The following DRC8 variants were observed in gnomAD, a reference collection of about 807,000 sequenced individuals.
The protein encoded by DRC8 is dynein regulatory complex protein 8.
chr1:245,094,100 C>T, the DRC8 span, among the ~76,000 whole-genome samples: 4 of 152,170 alleles, frequency 2.6e-5, no homozygotes, highest in Admixed American at 2.0e-4. Context: ...AAGGTATGAT[C>T]CGCACTTAGG....
At chr1:245,028,296 AACTAT>A in the DRC8 span, among the ~76,000 whole-genome samples, 1 of 152,224 alleles carries the variant, frequency 6.6e-6, no homozygotes, top group Admixed American at 6.5e-5. Flanking sequence ...TCCAATGTGT[AACTAT>A]ACTAGAATTT....
chr1:244,970,411 G>A, the DRC8 span: 13 of 1,538,828 alleles, frequency 8.4e-6, no homozygotes, highest in Non-Finnish European at 1.1e-5. Flanking sequence ...GACCGGCTCC[G>A]CAGCAAGATG....
At chr1:245,110,180 C>T in the DRC8 span, among the ~76,000 whole-genome samples, 10 of 151,954 alleles carry the variant, frequency 6.6e-5, no homozygotes, top group Non-Finnish European at 7.4e-5. Flanking sequence ...GTCAGGAGTT[C>T]GAGACCAGCC....
At chr1:245,102,984 G>C in the DRC8 span, among the ~76,000 whole-genome samples, 57 of 11,628 alleles carry the variant, frequency 4.9e-3, no homozygotes, top group East Asian at 9.3e-3. Flanking sequence ...GTGAGGCTGA[G>C]GAGGATGAGA....
the DRC8 span, among the ~76,000 whole-genome samples, chr1:245,013,711 A>G: frequency 6.6e-6 from 1 of 152,190 alleles, no homozygotes; most frequent in Admixed American, 6.5e-5. Context: ...TGAGTGAGAA[A>G]TTAGATTAGA....
the DRC8 span, among the ~76,000 whole-genome samples, chr1:245,005,993 C>T: frequency 6.6e-6 from 1 of 152,210 alleles, no homozygotes; most frequent in East Asian, 1.9e-4. Context: ...ATCACTGGGA[C>T]ACTACAGAGA....
the DRC8 span, chr1:244,970,520 G>A: frequency 6.7e-7 from 1 of 1,496,302 alleles, no homozygotes; most frequent in Middle Eastern, 2.4e-4. Context: ...GCGCCGGGTG[G>A]GGTGGGCCCT....
the DRC8 span, among the ~76,000 whole-genome samples, chr1:244,992,060 T>C: frequency 1.3e-5 from 2 of 152,238 alleles, no homozygotes; most frequent in East Asian, 3.8e-4. Flanking sequence ...GCAAACGCAG[T>C]TGACAGACAT....
the DRC8 span, among the ~76,000 whole-genome samples, chr1:245,095,984 C>A: frequency 2.0e-5 from 3 of 152,266 alleles, no homozygotes; most frequent in South Asian, 6.2e-4. Flanking sequence ...TCTCATTGAT[C>A]TTTTAAAAAT....
At chr1:245,009,028 CT>C in the DRC8 span, among the ~76,000 whole-genome samples, 12 of 64,428 alleles carry the variant, frequency 1.9e-4, no homozygotes, top group East Asian at 4.9e-4. Flanking sequence ...TTATGCTTTT[CT>C]TTTTTTTTTT....
the DRC8 span, chr1:244,969,896 G>A: frequency 2.2e-6 from 1 of 458,634 alleles, no homozygotes. Flanking sequence ...TGGGAAGCGG[G>A]AGGAGGAGGC....
At chr1:245,034,337 A>T in the DRC8 span, among the ~76,000 whole-genome samples, 1 of 152,186 alleles carries the variant, frequency 6.6e-6, no homozygotes, top group Admixed American at 6.5e-5. Context: ...GCAGTGGCTC[A>T]TGCCTGTAAT....
chr1:245,012,064 T>C, the DRC8 span, among the ~76,000 whole-genome samples: 1 of 152,154 alleles, frequency 6.6e-6, no homozygotes, highest in Non-Finnish European at 1.5e-5. Context: ...TTAGAAAATA[T>C]ATTGATAAGA....
At chr1:245,120,083 A>G in the DRC8 span, among the ~76,000 whole-genome samples, 6 of 152,232 alleles carry the variant, frequency 3.9e-5, no homozygotes, top group Non-Finnish European at 8.8e-5. Context: ...AAAAAAAGAA[A>G]CTGACCTAAT....
the DRC8 span, among the ~76,000 whole-genome samples, chr1:245,098,985 T>G: frequency 6.6e-6 from 1 of 152,194 alleles, no homozygotes; most frequent in Non-Finnish European, 1.5e-5. Context: ...CAACATGTGA[T>G]CCTCAGGTGT....
the DRC8 span, among the ~76,000 whole-genome samples, chr1:245,041,735 G>C: frequency 6.6e-6 from 1 of 152,136 alleles, no homozygotes; most frequent in Admixed American, 6.5e-5. Flanking sequence ...GAGGCCATTG[G>C]GGTGGGCCCT....
the DRC8 span, among the ~76,000 whole-genome samples, chr1:245,006,799 T>G: frequency 6.6e-6 from 1 of 152,064 alleles, no homozygotes; most frequent in Non-Finnish European, 1.5e-5. Flanking sequence ...CTGGGCATGG[T>G]GGCACAGGCC....
At chr1:245,008,757 C>A in the DRC8 span, among the ~76,000 whole-genome samples, 3 of 150,364 alleles carry the variant, frequency 2.0e-5, no homozygotes, top group African/African-American at 7.4e-5. Context: ...CAACCTTGAA[C>A]TCCTGGGCTT....
the DRC8 span, among the ~76,000 whole-genome samples, chr1:245,112,878 C>T: frequency 1.3e-5 from 2 of 152,202 alleles, no homozygotes; most frequent in Non-Finnish European, 1.5e-5. Flanking sequence ...CTCAGCCTCC[C>T]AAGTAGCTGG....
Sources: allele counts gnomAD v4.1 joint callset (sites outside exome capture counted in the v4.1 genomes callset), GRCh38; gene constraint gnomAD v4.1.1; transcripts MANE v1.5; gene names NCBI Gene and HGNC (gene_info 2026-07-23, HGNC 2026-07-21).